Variants in ERBB4 observed in about 807,000 individuals in gnomAD.
ERBB4 encodes receptor tyrosine-protein kinase erbB-4.
Under a neutral mutation model 158.0 loss-of-function variants are expected in ERBB4, and 42 were observed. The observed-to-expected ratio is 0.27, with a 90% CI of 0.21 to 0.34. The LOEUF (loss-of-function observed/expected upper bound fraction) is 0.34. ERBB4 is among the 10% of genes least tolerant of loss of function. The pLI is 1.00. For missense variants in ERBB4, 1,333 were observed against 1,624.1 expected (o/e 0.82, Z 3.08); for synonymous variants, 583 against 558.7 (o/e 1.04, Z -0.61).
At chr2:211,817,391 T>C (rs1157089115) in intron 3 of ERBB4, among the ~76,000 whole-genome samples, 7 of 152,232 alleles carry the variant, frequency 4.6e-5, no homozygotes, top group Admixed American at 4.6e-4. Context: ...AATTACTTTA[T>C]TGAACTTCTC....
intron 4 of ERBB4, among the ~76,000 whole-genome samples, chr2:211,754,822 TCCCAGCTAGCTGGGA>T: frequency 6.6e-6 from 1 of 151,886 alleles, no homozygotes; most frequent in East Asian, 1.9e-4. Flanking sequence ...TGCCTTAGCC[TCCCAGCTAGCTGGGA>T]TTATAGAAAT....
At chr2:211,568,190 G>T (rs1334970987) in intron 19 of ERBB4, among the ~76,000 whole-genome samples, 1 of 151,336 alleles carries the variant, frequency 6.6e-6, no homozygotes, top group African/African-American at 2.4e-5. Flanking sequence ...GAACAGAAGG[G>T]AATAATGTAA....
At position 212,374,023 on chromosome 2, in the gene ERBB4, T is replaced by TATATATATCC. The variant is rs2090222722; in HGVS notation, c.82+164425_82+164426insGGATATATAT. Among the ~76,000 whole-genome samples the TATATATATCC allele has an allele frequency of 2.5e-4, 21 of 84,122 alleles. 4 individuals carry two copies. The South Asian group carries it at 8.7e-3, about 35-fold the overall frequency. The allele number at this position is 84,122 out of a possible 152,430, so 55.2% of individuals were successfully genotyped here. A position where few individuals can be genotyped will look rare whatever the true frequency, so the allele number is the denominator to read the frequency against. On this transcript the variant is annotated intron_variant, in intron 1 of 27. Coordinates refer to ENST00000342788, the MANE Select transcript of ERBB4 (RefSeq NM_005235.3). ...ATATATATATATCCATATATATCCA[T>TATATATATCC]ATATATATATCCATATATATCCATA...
chr2:211,893,202 T>G lies in ERBB4; in HGVS notation c.421+54228A>C, dbSNP rs867243806. Among the ~76,000 whole-genome samples, 220 of 134,056 alleles carry G rather than the reference T, an allele frequency of 1.6e-3. 26 individuals are homozygous for G. The highest frequency in any genetic ancestry group is 6.6e-3 in the African/African-American group (213 of 32,194). The allele number at this position is 134,056 out of a possible 152,430, so 87.9% of individuals were successfully genotyped here. On this transcript the variant is annotated intron_variant, in intron 3 of 27. Transcript: ENST00000342788. The stretch of plus-strand genomic sequence containing the variant: ...AACCAAAACAGCATGGTACTGGTAC[T>G]AAAACAGAGATATAGATCAATGGAA...
chr2:211,815,071 T>C (rs903211635), intron 3 of ERBB4, among the ~76,000 whole-genome samples: 1 of 152,126 alleles, frequency 6.6e-6, no homozygotes, highest in Non-Finnish European at 1.5e-5. Context: ...GGGGACCCTA[T>C]TCATTAAAAA....
intron 2 of ERBB4, among the ~76,000 whole-genome samples, chr2:212,061,055 A>C (rs1193980096): frequency 6.6e-6 from 1 of 152,052 alleles, no homozygotes. Flanking sequence ...ACTTAAAAGT[A>C]ATTGTAGAAT....
chr2:212,169,699 C>T (rs913920636), intron 1 of ERBB4, among the ~76,000 whole-genome samples: 2 of 151,540 alleles, frequency 1.3e-5, no homozygotes, highest in Non-Finnish European at 1.5e-5. Flanking sequence ...AAGGGAAGGA[C>T]CAGGTGGGAG....
At chr2:211,934,010 T>C (rs1445260276) in intron 3 of ERBB4, among the ~76,000 whole-genome samples, 1 of 152,018 alleles carries the variant, frequency 6.6e-6, no homozygotes, top group Admixed American at 6.6e-5. Context: ...CTGGAAATAA[T>C]TAGTTAGAGG....
intron 3 of ERBB4, among the ~76,000 whole-genome samples, chr2:211,805,986 A>G (rs923703025): frequency 4.6e-5 from 7 of 151,976 alleles, no homozygotes; most frequent in African/African-American, 1.7e-4. Context: ...AATAAAGGAT[A>G]CATCCAGGAA....
At chr2:212,503,967 T>G (rs962762204) in intron 1 of ERBB4, among the ~76,000 whole-genome samples, 1 of 152,174 alleles carries the variant, frequency 6.6e-6, no homozygotes, top group Non-Finnish European at 1.5e-5. Flanking sequence ...ACAAAACTAT[T>G]TGTTAAGTAT....
intron 2 of ERBB4, among the ~76,000 whole-genome samples, chr2:211,984,774 G>A (rs1429823654): frequency 4.6e-5 from 7 of 152,038 alleles, no homozygotes. Flanking sequence ...TTTTGCTGGA[G>A]TACAATGGCA....
chr2:211,775,944 C>T (rs967476536), intron 4 of ERBB4, among the ~76,000 whole-genome samples: 8 of 152,130 alleles, frequency 5.3e-5, no homozygotes, highest in African/African-American at 1.9e-4. Flanking sequence ...GATATACAGA[C>T]CGGGGGCAAG....
At chr2:212,461,841 G>A (rs377105183) in intron 1 of ERBB4, among the ~76,000 whole-genome samples, 195 of 152,216 alleles carry the variant, frequency 1.3e-3, no homozygotes, top group African/African-American at 4.2e-3. Flanking sequence ...TCTCATGATC[G>A]TGAATAAGTC....
chr2:212,350,995 G>A (rs1331575542), intron 1 of ERBB4, among the ~76,000 whole-genome samples: 1 of 152,060 alleles, frequency 6.6e-6, no homozygotes, highest in Non-Finnish European at 1.5e-5. Context: ...TCAGCTAGTG[G>A]GTATTACTGG....
intron 1 of ERBB4, among the ~76,000 whole-genome samples, chr2:212,287,089 G>C (rs756220781): frequency 6.6e-6 from 1 of 151,788 alleles, no homozygotes; most frequent in Non-Finnish European, 1.5e-5. Context: ...GCACAACCTC[G>C]ATCAGCATGT....
intron 1 of ERBB4, among the ~76,000 whole-genome samples, chr2:212,441,469 C>T (rs1560330386): frequency 6.6e-6 from 1 of 152,154 alleles, no homozygotes; most frequent in Non-Finnish European, 1.5e-5. Flanking sequence ...TGGTAGGTCC[C>T]TAGAGTTTAG....
chr2:211,482,466 A>G (rs2065107374), intron 20 of ERBB4, among the ~76,000 whole-genome samples: 1 of 152,214 alleles, frequency 6.6e-6, no homozygotes, highest in Non-Finnish European at 1.5e-5. Flanking sequence ...CAGGTAACTC[A>G]GCATCTCAGA....
At chr2:212,340,187 C>T (rs2088638054) in intron 1 of ERBB4, among the ~76,000 whole-genome samples, 8 of 151,978 alleles carry the variant, frequency 5.3e-5, no homozygotes, top group Admixed American at 5.2e-4. Context: ...AGTTGAGAGC[C>T]ACCACACCCA....
chr2:212,301,324 T>C (rs2371480), intron 1 of ERBB4, among the ~76,000 whole-genome samples: 117,527 of 151,052 alleles, frequency 0.78, 48,142 homozygotes, highest in Non-Finnish European at 0.9. Context: ...AAGCATCACA[T>C]GTATTCATTA....
Sources: allele counts gnomAD v4.1 joint callset (sites outside exome capture counted in the v4.1 genomes callset), GRCh38; gene constraint gnomAD v4.1.1; transcripts MANE v1.5; gene names NCBI Gene and HGNC (gene_info 2026-07-23, HGNC 2026-07-21).